Variants in PCYOX1 observed in about 807,000 individuals in gnomAD.
The protein encoded by PCYOX1 is prenylcysteine lyase.
PCYOX1 carries 46 observed loss-of-function variants against 46.4 expected under a neutral mutation model. The ratio of observed to expected loss-of-function variants is 0.99; its 90% CI spans 0.78 to 1.27. The LOEUF is 1.27. PCYOX1 is among the 50% of genes most tolerant of loss of function. The pLI is 0.00. For missense variants in PCYOX1, 658 were observed against 628.3 expected, an observed-to-expected ratio of 1.05 and a Z score of -0.51; for synonymous variants, 220 against 231.8, an observed-to-expected ratio of 0.95 and a Z score of 0.46.
At position 70,275,517 on chromosome 2, in the gene PCYOX1, C is replaced by T. The variant is rs772261873; in HGVS notation, c.710C>T (p.Ala237Val). 2.3e-5 allele frequency: 37 copies of T among 1,613,486 alleles called. No individual in the cohort carries two copies. The highest frequency in any genetic ancestry group is 2.7e-5 in the Non-Finnish European group (32 of 1,179,788). ...QSTDINAFVGAVSLSCSDSGL... is the reference protein window; with the variant it reads ...QSTDINAFVGVVSLSCSDSGL... Reference sequence around the variant, plus strand: ...ACATTTTTCCTCCTATTGACAGGGGCGGTGTCACTGTCCTGTTCTGATTCT... The same window carrying T: ...ACATTTTTCCTCCTATTGACAGGGGTGGTGTCACTGTCCTGTTCTGATTCT... Residue 237 changes from alanine (A) to valine (V), a missense_variant, in exon 5 of 6, where the codon GCG (alanine) becomes GTG (valine). Physicochemically the swap from Ala to Val is moderately conservative, Grantham distance 64. Transcript: ENST00000433351.
At chr2:70,267,613 C>T (rs1309073832) in intron 3 of PCYOX1, among the ~76,000 whole-genome samples, 1 of 152,166 alleles carries the variant, frequency 6.6e-6, no homozygotes, top group Non-Finnish European at 1.5e-5. Flanking sequence ...CACGGTGAAA[C>T]CCCGTCTCCA....
chr2:70,271,554 C>G (rs536291512), intron 3 of PCYOX1, among the ~76,000 whole-genome samples: 2 of 152,028 alleles, frequency 1.3e-5, no homozygotes, highest in African/African-American at 4.8e-5. Flanking sequence ...CAGAAAAAAA[C>G]TCAGCGATAA....
In PCYOX1 at chr2:70,278,663, T is replaced by A. The variant is rs978800669; in HGVS notation, c.*1271T>A. The A allele has an allele frequency of 6.6e-6, 1 of 152,192 alleles. No individual in the cohort carries two copies. Among genetic ancestry groups the A allele is most frequent in the African/African-American group, 2.4e-5 (1 of 41,450 alleles). The allele number at this position is 152,192 out of a possible 1,614,324, so 9.4% of individuals were successfully genotyped here. A position where few individuals can be genotyped will look rare whatever the true frequency, so the allele number is the denominator to read the frequency against. On this transcript the variant is annotated 3_prime_UTR_variant, in exon 6 of 6. Coordinates refer to ENST00000433351, the MANE Select transcript of PCYOX1 (RefSeq NM_016297.4). The stretch of plus-strand genomic sequence containing the variant: ...GGTGAGAAATTGGTTGCTGAAATCT[T>A]AAGACAGTGGTCTCAACCTTGGCTG...
intron 1 of PCYOX1, chr2:70,258,483 A>G: frequency 3.7e-5 from 7 of 190,476 alleles, no homozygotes; most frequent in Non-Finnish European, 6.1e-5. Flanking sequence ...AGGCGTGGAG[A>G]GGTGCCCACT....
chr2:70,279,677 T>C lies in PCYOX1; in HGVS notation c.*2285T>C, dbSNP rs1134089. The C allele has an allele frequency of 0.72, 110,265 of 152,166 alleles. 40,489 individuals carry two copies. The highest frequency in any genetic ancestry group is 0.83 in the African/African-American group (34,579 of 41,478). The allele number at this position is 152,166 out of a possible 1,614,324, so 9.4% of individuals were successfully genotyped here. A position where few individuals can be genotyped will look rare whatever the true frequency, so the allele number is the denominator to read the frequency against. ...CCCAGCTACTGTAATCTCAGCTACTTGGGAGGCTGAGGCAGGAGAATTGCC... is the reference window on the plus strand; with the variant it reads ...CCCAGCTACTGTAATCTCAGCTACTCGGGAGGCTGAGGCAGGAGAATTGCC... On this transcript the variant is annotated 3_prime_UTR_variant, in exon 6 of 6. Coordinates refer to ENST00000433351, the MANE Select transcript of PCYOX1 (RefSeq NM_016297.4).
At chr2:70,264,742 G>A (rs1207026178) in intron 3 of PCYOX1, among the ~76,000 whole-genome samples, 2 of 151,962 alleles carry the variant, frequency 1.3e-5, no homozygotes, top group African/African-American at 2.4e-5. Context: ...CGGGCCGGGC[G>A]CGGTGGCACA....
intron 3 of PCYOX1, among the ~76,000 whole-genome samples, chr2:70,264,456 A>G (rs1696485594): frequency 6.6e-6 from 1 of 151,794 alleles, no homozygotes; most frequent in African/African-American, 2.4e-5. Context: ...CCTCCTGAGT[A>G]GCTGGGATTA....
intron 3 of PCYOX1, among the ~76,000 whole-genome samples, chr2:70,269,869 G>A (rs1456797086): frequency 6.6e-6 from 1 of 152,326 alleles, no homozygotes; most frequent in Middle Eastern, 3.4e-3. Flanking sequence ...AGTTCTCTGA[G>A]GATAGTGCTT....
chr2:70,258,019 GGC>G, upstream of PCYOX1: 1 of 544,776 alleles, frequency 1.8e-6, no homozygotes, highest in Non-Finnish European at 3.0e-6. Flanking sequence ...GGACCGGCGG[GGC>G]GAGGTCGGGG....
chr2:70,260,626 C>T (rs1328414227), intron 2 of PCYOX1, among the ~76,000 whole-genome samples: 2 of 152,202 alleles, frequency 1.3e-5, no homozygotes, highest in Admixed American at 6.5e-5. Context: ...GCAACTGCTG[C>T]CCTGACAGCA....
chr2:70,267,389 C>T (rs961194954), intron 3 of PCYOX1, among the ~76,000 whole-genome samples: 3 of 152,090 alleles, frequency 2.0e-5, no homozygotes, highest in African/African-American at 4.8e-5. Flanking sequence ...GACGGGGTGG[C>T]GGCTGGGCAG....
Position 70,279,439 on chromosome 2 carries a change from T to A in PCYOX1, c.*2047T>A, listed in dbSNP as rs913546942. The A allele has an allele frequency of 2.6e-5, 4 of 152,356 alleles. No homozygotes were observed. The South Asian group carries it at 8.3e-4, about 32-fold the overall frequency. 9.4% of individuals were successfully genotyped at this position (152,356 alleles called of 1,614,324 possible). A position where few individuals can be genotyped will look rare whatever the true frequency, so the allele number is the denominator to read the frequency against. On this transcript the variant is annotated 3_prime_UTR_variant, in exon 6 of 6. Transcript: ENST00000433351. ...GTAAATACTAATTAATTTCCATCAT[T>A]TGTAGACTTGTTTTGCAATGGGATA... is the stretch of plus-strand genomic sequence containing the variant.
At chr2:70,271,641 C>T (rs1696602171) in intron 3 of PCYOX1, among the ~76,000 whole-genome samples, 1 of 151,934 alleles carries the variant, frequency 6.6e-6, no homozygotes, top group Non-Finnish European at 1.5e-5. Flanking sequence ...ATTACAACAA[C>T]TGCAAATTGC....
chr2:70,270,401 T>C (rs1276458790), intron 3 of PCYOX1, among the ~76,000 whole-genome samples: 1 of 152,222 alleles, frequency 6.6e-6, no homozygotes, highest in Non-Finnish European at 1.5e-5. Flanking sequence ...TTCTCATAGC[T>C]TTTATGGAGG....
At position 70,261,260 on chromosome 2, in the gene PCYOX1, G is replaced by C. The variant is rs1299540124; in HGVS notation, c.368G>C (p.Gly123Ala). Residue 123 changes from glycine to alanine, a missense_variant, in exon 3 of 6, where the codon GGA becomes GCA. By Grantham distance (60) the Gly-to-Ala change is moderately conservative. Transcript: ENST00000433351. The part of the protein sequence containing the change: ...ASGGLLGIYN[G>A]ETLVFEESNW... Reference sequence around the variant, plus strand: ...GGTGGCCTACTGGGGATATATAATGGAGAGACTCTGGTATTTGAGGAGAGC... The same window carrying C: ...GGTGGCCTACTGGGGATATATAATGCAGAGACTCTGGTATTTGAGGAGAGC... 1.2e-6 allele frequency: 2 copies of C among 1,611,560 alleles called. No individual in the cohort carries two copies. Among genetic ancestry groups the C allele is most frequent in the East Asian group, 2.2e-5 (1 of 44,874 alleles).
At position 70,277,539 on chromosome 2, in the gene PCYOX1, C is replaced by T; in HGVS notation, c.*147C>T. The T allele has an allele frequency of 1.5e-6, 1 of 663,162 alleles. No individual in the cohort carries two copies. The highest frequency in any genetic ancestry group is 2.6e-6 in the Non-Finnish European group (1 of 385,390). 41.1% of individuals were successfully genotyped at this position (663,162 alleles called of 1,614,324 possible). A position where few individuals can be genotyped will look rare whatever the true frequency, so the allele number is the denominator to read the frequency against. ...AATCCCTGCTGGTCATAGGAAAACA[C>T]ACGGTTCTAATTAAGTGTGAAGGTA... On this transcript the variant is annotated 3_prime_UTR_variant, in exon 6 of 6. Coordinates refer to ENST00000433351, the MANE Select transcript of PCYOX1 (RefSeq NM_016297.4).
chr2:70,273,381 G>C (rs1202754056), intron 3 of PCYOX1, among the ~76,000 whole-genome samples: 1 of 152,116 alleles, frequency 6.6e-6, no homozygotes, highest in Non-Finnish European at 1.5e-5. Flanking sequence ...TATCGAATCA[G>C]TTTTTCCAAT....
At chr2:70,268,329 A>G (rs768810526) in intron 3 of PCYOX1, among the ~76,000 whole-genome samples, 1 of 152,168 alleles carries the variant, frequency 6.6e-6, no homozygotes, top group Non-Finnish European at 1.5e-5. Flanking sequence ...ATTTATAGCC[A>G]AAATCTGTTT....
chr2:70,276,027 G>T (rs975250132), intron 5 of PCYOX1, among the ~76,000 whole-genome samples: 6 of 149,778 alleles, frequency 4.0e-5, no homozygotes, highest in African/African-American at 1.5e-4. Context: ...ATGAACCCAG[G>T]GGGCAGAGGT....
Sources: gnomAD v4.1 joint callset for allele counts (sites outside exome capture counted in the v4.1 genomes callset) on GRCh38, gnomAD v4.1.1 for gene constraint, MANE v1.5 for transcripts, NCBI Gene and HGNC (gene_info 2026-07-23, HGNC 2026-07-21) for gene names.